Variants in USP32 observed in about 807,000 individuals in gnomAD.
The protein encoded by USP32 is ubiquitin specific peptidase 32.
USP32 carries 59 observed loss-of-function variants against 204.8 expected under a neutral mutation model. The observed-to-expected ratio is 0.29, with a 90% CI of 0.23 to 0.36. The LOEUF (loss-of-function observed/expected upper bound fraction) is 0.36, where lower values mean the gene tolerates loss of function less well. Ranked by LOEUF, USP32 falls within the 10% of genes least tolerant of loss-of-function variation. USP32 has a pLI of 1.00. For synonymous variants in USP32, 517 were observed against 678.4 expected, an observed-to-expected ratio of 0.76 and a Z score of 3.70; for missense variants, 1,160 against 1,946.4, an observed-to-expected ratio of 0.60 and a Z score of 7.60.
chr17:60,245,404 C>T (rs1490470917), intron 11 of USP32: 2 of 396,804 alleles, frequency 5.0e-6, no homozygotes, highest in Non-Finnish European at 9.7e-6. Flanking sequence ...AATCTCAGCA[C>T]ACTTGTTGCA....
chr17:60,302,989 C>T (rs987873161), intron 2 of USP32, among the ~76,000 whole-genome samples: 10 of 151,952 alleles, frequency 6.6e-5, no homozygotes, highest in Non-Finnish European at 1.3e-4. Context: ...AACAATAATT[C>T]GAGAAGTTAG....
At chr17:60,279,597 G>A in intron 5 of USP32, among the ~76,000 whole-genome samples, 1 of 151,978 alleles carries the variant, frequency 6.6e-6, no homozygotes, top group Non-Finnish European at 1.5e-5. Context: ...ATCACTTTGG[G>A]AGGCTGAGGC....
At chr17:60,392,518 G>C, upstream of USP32, 8 of 319,260 alleles carry the variant, frequency 2.5e-5, no homozygotes, top group South Asian at 1.7e-4. Flanking sequence ...CTGGCGTTCG[G>C]CGGGTGGGGT....
intron 25 of USP32, among the ~76,000 whole-genome samples, chr17:60,206,417 T>C (rs954187598): frequency 2.1e-4 from 31 of 149,664 alleles, no homozygotes; most frequent in Middle Eastern, 6.8e-3. Flanking sequence ...TGGTGGATAC[T>C]GTATTGGATG....
chr17:60,228,580 C>T (rs918261716), intron 12 of USP32, among the ~76,000 whole-genome samples: 7 of 148,204 alleles, frequency 4.7e-5, no homozygotes, highest in Non-Finnish European at 8.9e-5. Flanking sequence ...ACTTTGGGAG[C>T]CAAGGTGGCT....
chr17:60,365,755 A>G (rs916464598), intron 1 of USP32, among the ~76,000 whole-genome samples: 2 of 152,182 alleles, frequency 1.3e-5, no homozygotes, highest in Admixed American at 1.3e-4. Flanking sequence ...TTTTATAAAT[A>G]AAATTTTGTA....
At chr17:60,381,220 C>T (rs2089641239) in intron 1 of USP32, among the ~76,000 whole-genome samples, 1 of 152,042 alleles carries the variant, frequency 6.6e-6, no homozygotes, top group Non-Finnish European at 1.5e-5. Flanking sequence ...CAGAAGATTG[C>T]CTGAGTTCAG....
chr17:60,401,955 A>G (rs2089938943), intron 1 of USP32, among the ~76,000 whole-genome samples: 1 of 152,140 alleles, frequency 6.6e-6, no homozygotes, highest in South Asian at 2.1e-4. Flanking sequence ...ACTCTCCCCT[A>G]ACTCTTATAG....
At chr17:60,206,497 A>G (rs989191218) in intron 25 of USP32, among the ~76,000 whole-genome samples, 6 of 148,046 alleles carry the variant, frequency 4.1e-5, no homozygotes, top group Admixed American at 3.3e-4. Context: ...TAAAACTAAA[A>G]TTAGAACATC....
At chr17:60,275,134 A>G (rs2086809389) in intron 5 of USP32, among the ~76,000 whole-genome samples, 1 of 152,204 alleles carries the variant, frequency 6.6e-6, no homozygotes, top group African/African-American at 2.4e-5. Flanking sequence ...GCACATTTTG[A>G]GCACTCAATA....
chr17:60,271,244 A>G, intron 6 of USP32, 106 bp downstream of exon 6: 1 of 1,419,542 alleles, frequency 7.0e-7, no homozygotes, highest in Non-Finnish European at 9.5e-7. Context: ...ACCTGCAAAC[A>G]TATGAGAAGA....
intron 1 of USP32, among the ~76,000 whole-genome samples, chr17:60,414,781 C>A (rs2090047361): frequency 6.6e-6 from 1 of 152,072 alleles, no homozygotes. Flanking sequence ...TGCTCATTTA[C>A]TTCTCCAGGC....
chr17:60,311,416 A>G (rs1375808386), intron 2 of USP32, among the ~76,000 whole-genome samples: 1 of 152,222 alleles, frequency 6.6e-6, no homozygotes, highest in Non-Finnish European at 1.5e-5. Flanking sequence ...ATGTCATCCC[A>G]GTAAATAATA....
intron 1 of USP32, among the ~76,000 whole-genome samples, chr17:60,386,480 C>T (rs2089733597): frequency 1.3e-5 from 2 of 151,926 alleles, no homozygotes; most frequent in Non-Finnish European, 2.9e-5. Context: ...CTAGTGACAA[C>T]AAAAATAATA....
intron 28 of USP32, among the ~76,000 whole-genome samples, chr17:60,191,499 C>T (rs1372517694): frequency 2.0e-5 from 3 of 149,862 alleles, no homozygotes; most frequent in Non-Finnish European, 4.4e-5. Context: ...GGTTCCAATG[C>T]CTACTTTATT....
rs75703808 is a variant in USP32, at chr17:60,405,978, C to A, written c.106+16268G>T. 5.5e-3 allele frequency among the ~76,000 whole-genome samples: 833 copies of A among 151,924 alleles called. 10 individuals carry two copies. Among genetic ancestry groups the A allele is most frequent in the African/African-American group, 0.019 (789 of 41,438 alleles). On this transcript the variant is annotated intron_variant, in intron 1 of 3. Transcript: ENST00000588898. ...GACCAGCCTGGGAAACATAGTTAGA[C>A]GCCACCTCTCCAAAATGTCTTTTTT...
intron 9 of USP32, among the ~76,000 whole-genome samples, chr17:60,257,590 AG>A (rs1218345969): frequency 1.3e-5 from 2 of 152,112 alleles, no homozygotes; most frequent in African/African-American, 2.4e-5. Context: ...CCTAGGTTCA[AG>A]GGATCCTCCA....
At position 60,183,318 on chromosome 17, in the gene USP32, G is replaced by T; in HGVS notation, c.3970C>A (p.Pro1324Thr). ...AGCTCATCCCCCTGGGGTGTGAGTG[G>T]TTTATGCTGGCAGAGAGCCGGGTCT... is the stretch of plus-strand genomic sequence containing the variant. ...PRDPALCQHKPLTPQGDELSE... is the reference protein window; with the variant it reads ...PRDPALCQHKTLTPQGDELSE... The change falls in exon 31 of 34, where the codon CCA (proline) becomes ACA (threonine). Residue 1324 changes from proline to threonine, a missense_variant. Around this residue, in one of 8 missense-constraint regions of USP32, gnomAD observed 244 missense variants for 342.3 expected, o/e 0.71. Transcript: ENST00000300896. 6.2e-7 allele frequency: 1 copy of T among 1,613,988 alleles called. No homozygotes were observed. Among genetic ancestry groups the T allele is most frequent in the Non-Finnish European group, 8.5e-7 (1 of 1,179,870 alleles).
chr17:60,292,531 C>T (rs1011975962), intron 4 of USP32, among the ~76,000 whole-genome samples: 4 of 152,166 alleles, frequency 2.6e-5, no homozygotes, highest in Non-Finnish European at 5.9e-5. Context: ...TACTAATCAT[C>T]TTCCCCCTAC....
Sources: gnomAD v4.1 joint callset for allele counts (sites outside exome capture counted in the v4.1 genomes callset) on GRCh38, gnomAD v4.1.1 for gene constraint, gnomAD v4.1.1 regional missense constraint, MANE v1.5 for transcripts, NCBI Gene and HGNC (gene_info 2026-07-23, HGNC 2026-07-21) for gene names.